Variants in TCHP observed in about 807,000 individuals in gnomAD.
The protein encoded by TCHP is trichoplein keratin filament-binding protein.
A neutral mutation model predicts 88.7 loss-of-function variants in TCHP; 81 were observed. The ratio of observed to expected loss-of-function variants is 0.91; its 90% CI spans 0.76 to 1.10. TCHP has a LOEUF of 1.10. Among genes scored for constraint, TCHP ranks in the 50% least tolerant of loss-of-function variants. The pLI, the probability that TCHP is intolerant of heterozygous loss-of-function variation, is 0.00. For missense variants in TCHP, 641 were observed against 632.1 expected, an observed-to-expected ratio of 1.01 and a Z score of -0.15; for synonymous variants, 232 against 232.5, an observed-to-expected ratio of 1.00 and a Z score of 0.02.
rs1870085091 is a variant in TCHP at position 109,905,637 on chromosome 12, C to G, written c.456+844C>G. ...CTGTTATTCATTTATTTTCAACTTA[C>G]AGTTTTTGTATACATTTGGTGCCTT... is the stretch of plus-strand genomic sequence containing the variant. On this transcript the variant is annotated intron_variant, in intron 4 of 12. Transcript: ENST00000405876. The surrounding 1 kb of genome is among the most constrained non-coding windows in gnomAD (Gnocchi z 4.0). Among the ~76,000 whole-genome samples, 1 of 152,154 alleles carries G rather than the reference C, an allele frequency of 6.6e-6. No homozygotes were observed. Among genetic ancestry groups the G allele is most frequent in the African/African-American group, 2.4e-5 (1 of 41,440 alleles).
At chr12:109,914,267 C>T (rs1364523794) in intron 10 of TCHP, 175 bp from the exon 11 acceptor site, 2 of 548,892 alleles carry the variant, frequency 3.6e-6, no homozygotes, top group Admixed American at 3.2e-5. Context: ...TACTGGCAAG[C>T]GTGGCCGACA....
intron 9 of TCHP, 21 bp downstream of exon 9, chr12:109,911,256 G>C (rs1034620727): frequency 7.2e-7 from 1 of 1,395,234 alleles, no homozygotes; most frequent in African/African-American, 1.4e-5. Context: ...GCTGCTGACT[G>C]GGCTGGATGC....
chr12:109,911,429 T>A (rs1474153567), intron 9 of TCHP, among the ~76,000 whole-genome samples, 194 bp downstream of exon 9: 2 of 151,890 alleles, frequency 1.3e-5, no homozygotes, highest in African/African-American at 4.8e-5. Flanking sequence ...CTGGGCAACA[T>A]GGCAAAACTC....
the TCHP span, among the ~76,000 whole-genome samples, chr12:109,891,469 C>T: frequency 6.6e-6 from 1 of 151,492 alleles, no homozygotes; most frequent in Non-Finnish European, 1.5e-5. Flanking sequence ...TCCCCACTCA[C>T]AGCAACCTCC....
chr12:109,896,947 T>C (rs1002349033), upstream of TCHP, among the ~76,000 whole-genome samples: 7 of 151,942 alleles, frequency 4.6e-5, no homozygotes, highest in African/African-American at 1.5e-4. Context: ...TATAGATATA[T>C]AGATAGATAG....
rs887656436 is a variant in TCHP at position 109,917,128 on chromosome 12, T to C, written c.*505T>C. 1 of 152,528 alleles carries C rather than the reference T, an allele frequency of 6.6e-6. No individual in the cohort carries two copies. The highest frequency in any genetic ancestry group is 1.9e-4 in the East Asian group (1 of 5,212). 9.4% of individuals were successfully genotyped at this position (152,528 alleles called of 1,614,324 possible). ...ATTAATTTAGTGGTCCCAAAAGTAT[T>C]ACATCTTTTATATTCTGGAAGAAAA... On this transcript the variant is annotated 3_prime_UTR_variant, in exon 13 of 13. Coordinates refer to ENST00000405876, the MANE Select transcript of TCHP (RefSeq NM_001143852.2).
rs1287992200 is a variant in TCHP, at chr12:109,904,097, C to T, written c.349C>T (p.Arg117Trp). ...LSMNLQERRI[R>W]EQHGKLKSAK... is the part of the protein sequence containing the mutation. ...CATGAACTTGCAGGAAAGAAGAATCCGGGAGCAGCACGGGAAGCTGAAATC... is the reference window on the plus strand; with the variant it reads ...CATGAACTTGCAGGAAAGAAGAATCTGGGAGCAGCACGGGAAGCTGAAATC... Residue 117 changes from arginine (R) to tryptophan (W), a missense_variant, in exon 3 of 13, where the codon CGG (arginine) becomes TGG (tryptophan). Arg to Trp is a moderately radical substitution (Grantham distance 101). Transcript: ENST00000405876. The T allele has an allele frequency of 2.5e-6, 4 of 1,594,134 alleles. No homozygotes were observed. Among genetic ancestry groups the T allele is most frequent in the Admixed American group, 1.8e-5 (1 of 57,062 alleles).
intron 12 of TCHP, among the ~76,000 whole-genome samples, chr12:109,916,204 G>C (rs1456022374): frequency 6.6e-6 from 1 of 152,220 alleles, no homozygotes; most frequent in Non-Finnish European, 1.5e-5. Context: ...GCAGAATGAG[G>C]GCTGGCTCCC....
chr12:109,907,836 CCT>C, intron 6 of TCHP, 137 bp downstream of exon 6: 1 of 901,966 alleles, frequency 1.1e-6, no homozygotes, highest in Non-Finnish European at 1.7e-6. Context: ...CCGGGTTCTC[CCT>C]CTCACATGCA....
intron 9 of TCHP, among the ~76,000 whole-genome samples, chr12:109,912,637 A>G (rs1161315465): frequency 6.6e-6 from 1 of 152,098 alleles, no homozygotes; most frequent in East Asian, 1.9e-4. Flanking sequence ...CTAAAAATAC[A>G]GTAATTGGCC....
the TCHP span, among the ~76,000 whole-genome samples, chr12:109,893,315 G>T: frequency 1.3e-5 from 2 of 151,368 alleles, no homozygotes; most frequent in Admixed American, 6.6e-5. Flanking sequence ...GGAGGCAGAG[G>T]CTGCATTAAG....
chr12:109,887,222 G>A, the TCHP span, among the ~76,000 whole-genome samples: 1 of 151,860 alleles, frequency 6.6e-6, no homozygotes, highest in Non-Finnish European at 1.5e-5. Flanking sequence ...AAGAGATCAA[G>A]ACCATCCTGG....
chr12:109,898,279 G>A (rs1321145419), upstream of TCHP, among the ~76,000 whole-genome samples: 1 of 152,126 alleles, frequency 6.6e-6, no homozygotes, highest in Admixed American at 6.6e-5. Context: ...GCATGATCTT[G>A]GCTCACTGCA....
the TCHP span, among the ~76,000 whole-genome samples, chr12:109,894,886 C>T: frequency 6.6e-6 from 1 of 151,272 alleles, no homozygotes; most frequent in Non-Finnish European, 1.5e-5. Flanking sequence ...CAGGAGGTCA[C>T]ACTGTGACTA....
chr12:109,896,647 CA>C (rs1869566803), upstream of TCHP, among the ~76,000 whole-genome samples: 3 of 152,080 alleles, frequency 2.0e-5, no homozygotes, highest in Non-Finnish European at 4.4e-5. Context: ...TGAGGCCGGG[CA>C]TGGTGGTTCA....
the TCHP span, among the ~76,000 whole-genome samples, chr12:109,892,570 T>C: frequency 6.6e-6 from 1 of 152,124 alleles, no homozygotes; most frequent in Non-Finnish European, 1.5e-5. Flanking sequence ...CTTTGGGACT[T>C]AGGAAGTAGA....
At chr12:109,885,729 C>A in the TCHP span, among the ~76,000 whole-genome samples, 1 of 151,868 alleles carries the variant, frequency 6.6e-6, no homozygotes, top group Non-Finnish European at 1.5e-5. Flanking sequence ...GATCCGCCCT[C>A]CTCGGCCTCG....
intron 6 of TCHP, among the ~76,000 whole-genome samples, chr12:109,908,017 C>T (rs563192933): frequency 3.9e-5 from 6 of 152,338 alleles, no homozygotes; most frequent in East Asian, 1.9e-4. Context: ...ACAATTTAAT[C>T]GGGTGGTCTA....
At chr12:109,893,105 C>T in the TCHP span, among the ~76,000 whole-genome samples, 1 of 152,138 alleles carries the variant, frequency 6.6e-6, no homozygotes, top group South Asian at 2.1e-4. Context: ...TCAGGCCGGG[C>T]GCAGTGGCTC....
Sources: allele counts gnomAD v4.1 joint callset (sites outside exome capture counted in the v4.1 genomes callset), GRCh38; gene constraint gnomAD v4.1.1; non-coding constraint Gnocchi (gnomAD v3.1); transcripts MANE v1.5; gene names NCBI Gene and HGNC (gene_info 2026-07-23, HGNC 2026-07-21).